Variants in LINGO2 observed in about 807,000 individuals in gnomAD.
The protein encoded by LINGO2 is leucine-rich repeat and immunoglobulin-like domain-containing nogo receptor-interacting protein 2.
A neutral mutation model predicts 30.6 loss-of-function variants in LINGO2; 14 were observed. The observed-to-expected ratio is 0.46, with a 90% CI of 0.30 to 0.72. The LOEUF is 0.72. Ranked by LOEUF, LINGO2 falls within the 30% of genes least tolerant of loss-of-function variation. The probability of loss-of-function intolerance (pLI) is 0.07; values close to 1 mark genes in which losing one functional copy is unlikely to be tolerated. For missense variants in LINGO2, 729 were observed against 751.7 expected, an observed-to-expected ratio of 0.97 and a Z score of 0.35; for synonymous variants, 317 against 288.5, an observed-to-expected ratio of 1.10 and a Z score of -1.00.
At chr9:28,438,645 A>G (rs1824054110) in intron 2 of LINGO2, among the ~76,000 whole-genome samples, 2 of 151,930 alleles carry the variant, frequency 1.3e-5, no homozygotes, top group South Asian at 4.1e-4. Flanking sequence ...TATTTGTTCT[A>G]TTTCTCTGGA....
Position 28,590,296 on chromosome 9 carries a change from T to C in LINGO2, c.-365+79904A>G, listed in dbSNP as rs538395084. On this transcript the variant is annotated intron_variant, in intron 1 of 5. Transcript: ENST00000379992. ...AAAGCAATGGCAATAAAAGCCAAAATTGACAAATGGGATCTAATTAAACTA... is the reference window on the plus strand; with the variant it reads ...AAAGCAATGGCAATAAAAGCCAAAACTGACAAATGGGATCTAATTAAACTA... Among the ~76,000 whole-genome samples, 3 of 152,082 alleles carry C rather than the reference T, an allele frequency of 2.0e-5. No homozygotes were observed. In the East Asian group the frequency reaches 5.8e-4, roughly 29 times the overall value.
intron 4 of LINGO2, among the ~76,000 whole-genome samples, chr9:28,293,687 C>CA (rs965742214): frequency 1.3e-5 from 2 of 151,886 alleles, no homozygotes; most frequent in South Asian, 2.1e-4. Context: ...TTAACGTCTC[C>CA]AAAAAAAATT....
At chr9:28,857,592 A>G in the LINGO2 span, among the ~76,000 whole-genome samples, 6,548 of 152,144 alleles carry the variant, frequency 0.043, 217 homozygotes, top group Admixed American at 0.084. Flanking sequence ...GGCGTGAGCT[A>G]GACACATAAG....
At chr9:28,285,079 G>C (rs1216299507) in intron 4 of LINGO2, among the ~76,000 whole-genome samples, 1 of 152,174 alleles carries the variant, frequency 6.6e-6, no homozygotes, top group African/African-American at 2.4e-5. Flanking sequence ...GTGTTTATGA[G>C]GTGTCAGGCA....
the LINGO2 span, among the ~76,000 whole-genome samples, chr9:29,106,677 C>T: frequency 6.6e-6 from 1 of 152,100 alleles, no homozygotes; most frequent in African/African-American, 2.4e-5. Context: ...AGCAAAATAA[C>T]ATTCATAATA....
At chr9:28,439,079 G>A (rs1824082294) in intron 2 of LINGO2, among the ~76,000 whole-genome samples, 1 of 145,890 alleles carries the variant, frequency 6.9e-6, no homozygotes, top group Non-Finnish European at 1.5e-5. Flanking sequence ...ATGAAATATA[G>A]ATAATAGCTA....
the LINGO2 span, among the ~76,000 whole-genome samples, chr9:28,777,086 C>A: frequency 2.6e-5 from 4 of 152,086 alleles, no homozygotes; most frequent in African/African-American, 9.7e-5. Context: ...TCTTCCCCTC[C>A]CCTTCCGCCA....
intron 1 of LINGO2, among the ~76,000 whole-genome samples, chr9:28,536,314 T>C (rs1201946029): frequency 2.0e-5 from 3 of 152,182 alleles, no homozygotes; most frequent in Non-Finnish European, 4.4e-5. Context: ...AGACATTTAC[T>C]AGTTAGGGAT....
At chr9:28,848,393 GTGTGTA>G in the LINGO2 span, among the ~76,000 whole-genome samples, 1,553 of 67,000 alleles carry the variant, frequency 0.023, 13 homozygotes, top group Middle Eastern at 0.036. Context: ...GTGTGTGTGT[GTGTGTA>G]TATATATATA....
chr9:28,033,185 C>T (rs974405495), intron 4 of LINGO2, among the ~76,000 whole-genome samples: 2 of 152,180 alleles, frequency 1.3e-5, no homozygotes, highest in African/African-American at 4.8e-5. Flanking sequence ...GTTCAGTGGG[C>T]TTGCACAGTG....
chr9:28,853,773 C>T, the LINGO2 span, among the ~76,000 whole-genome samples: 1 of 151,818 alleles, frequency 6.6e-6, no homozygotes, highest in African/African-American at 2.4e-5. Flanking sequence ...ATGAGAACAG[C>T]ATATAGGAAA....
At chr9:28,863,607 T>C in the LINGO2 span, 1 of 529,096 alleles carries the variant, frequency 1.9e-6, no homozygotes, top group Non-Finnish European at 3.9e-6. Context: ...ATGGTGTAGA[T>C]CAACTGCAGA....
intron 1 of LINGO2, among the ~76,000 whole-genome samples, chr9:28,551,106 G>T (rs1587843561): frequency 6.6e-6 from 1 of 151,768 alleles, no homozygotes; most frequent in Admixed American, 6.6e-5. Context: ...AAGTCATTGA[G>T]TAGCCTCTCT....
chr9:28,582,374 G>A (rs1824299804), intron 1 of LINGO2, among the ~76,000 whole-genome samples: 2 of 152,036 alleles, frequency 1.3e-5, no homozygotes, highest in Non-Finnish European at 2.9e-5. Context: ...CAGTCAATCA[G>A]GACAGTCTCA....
rs371425825 is a variant in LINGO2 at position 27,949,115 on chromosome 9, G to A, written c.1557C>T (p.Thr519=). Residue 519 remains threonine, a synonymous_variant, in exon 6 of 6, where the codon ACC becomes ACT. Coordinates refer to ENST00000379992, the Ensembl canonical transcript of LINGO2. ...CATTGGAAATGGTGTCATTGGAGTCGGTCATGTACATAGGGGTCCTGTTCG... is the reference window on the plus strand; with the variant it reads ...CATTGGAAATGGTGTCATTGGAGTCAGTCATGTACATAGGGGTCCTGTTCG... 8.1e-6 allele frequency: 13 copies of A among 1,613,998 alleles called. No homozygotes were observed. The Admixed American group carries it at 8.3e-5, about 10-fold the overall frequency.
At chr9:28,944,294 T>G in the LINGO2 span, among the ~76,000 whole-genome samples, 2 of 152,140 alleles carry the variant, frequency 1.3e-5, no homozygotes, top group Non-Finnish European at 2.9e-5. Flanking sequence ...AACATCACAT[T>G]GGCCAGAACT....
intron 1 of LINGO2, among the ~76,000 whole-genome samples, chr9:28,615,194 C>T (rs1431437776): frequency 6.6e-6 from 1 of 152,060 alleles, no homozygotes; most frequent in African/African-American, 2.4e-5. Flanking sequence ...ATGCTCATCC[C>T]TAGAATATCT....
chr9:28,782,633 T>C, the LINGO2 span, among the ~76,000 whole-genome samples: 786 of 152,300 alleles, frequency 5.2e-3, 7 homozygotes, highest in African/African-American at 0.018. Context: ...TAAACAAAAG[T>C]AAAAGTATGA....
the LINGO2 span, among the ~76,000 whole-genome samples, chr9:28,915,715 C>T: frequency 6.6e-6 from 1 of 152,116 alleles, no homozygotes; most frequent in African/African-American, 2.4e-5. Flanking sequence ...CAAATGTTCA[C>T]TAAATAAATT....
Sources: allele counts gnomAD v4.1 joint callset (sites outside exome capture counted in the v4.1 genomes callset), GRCh38; gene constraint gnomAD v4.1.1; transcripts MANE v1.5; gene names NCBI Gene and HGNC (gene_info 2026-07-23, HGNC 2026-07-21).